Variants in NOL10 observed in about 807,000 individuals in gnomAD.
NOL10 encodes the protein H_NH0074G24.1.
NOL10 carries 58 observed loss-of-function variants against 103.5 expected under a neutral mutation model. The observed-to-expected ratio is 0.56, with a 90% CI of 0.45 to 0.70. The LOEUF is 0.70. NOL10 is among the 30% of genes least tolerant of loss of function. The pLI is 0.00. For synonymous variants in NOL10, 287 were observed against 282.5 expected, an observed-to-expected ratio of 1.02 and a Z score of -0.16; for missense variants, 763 against 807.3, an observed-to-expected ratio of 0.95 and a Z score of 0.67.
chr2:10,613,005 A>G (rs1402055847), intron 13 of NOL10, among the ~76,000 whole-genome samples: 1 of 151,696 alleles, frequency 6.6e-6, no homozygotes, highest in Non-Finnish European at 1.5e-5. Context: ...CCCTGTTAAA[A>G]AAAAAAAAGA....
At chr2:10,606,627 AAT>A (rs1491079780) in intron 14 of NOL10, among the ~76,000 whole-genome samples, 1 of 147,820 alleles carries the variant, frequency 6.8e-6, no homozygotes, top group Non-Finnish European at 1.5e-5. Flanking sequence ...AAAAAAAAAA[AAT>A]ACTATCTGCA....
chr2:10,644,221 A>T (rs1678905214), intron 13 of NOL10, 99 bp downstream of exon 13: 1 of 855,314 alleles, frequency 1.2e-6, no homozygotes, highest in South Asian at 2.0e-5. Flanking sequence ...GCACCCCAGC[A>T]TCGGTGATCG....
At chr2:10,651,616 T>C (rs1056766533) in intron 12 of NOL10, among the ~76,000 whole-genome samples, 29 of 152,112 alleles carry the variant, frequency 1.9e-4, no homozygotes, top group Non-Finnish European at 3.7e-4. Context: ...GCTACCAAAC[T>C]GTACAGCCCA....
At chr2:10,666,892 A>T (rs1680602240) in intron 8 of NOL10, among the ~76,000 whole-genome samples, 1 of 152,210 alleles carries the variant, frequency 6.6e-6, no homozygotes, top group African/African-American at 2.4e-5. Context: ...TGGAAGGTAT[A>T]AAAGGGCACT....
At chr2:10,621,639 A>G (rs1677154927) in intron 13 of NOL10, among the ~76,000 whole-genome samples, 1 of 152,180 alleles carries the variant, frequency 6.6e-6, no homozygotes, top group Non-Finnish European at 1.5e-5. Flanking sequence ...TAGGCAACCA[A>G]GACAAAAGGA....
intron 13 of NOL10, among the ~76,000 whole-genome samples, chr2:10,621,520 G>A (rs1272397110): frequency 6.6e-6 from 1 of 152,114 alleles, no homozygotes; most frequent in Non-Finnish European, 1.5e-5. Context: ...CTTGAACCCC[G>A]GAATTCAAGG....
intron 17 of NOL10, among the ~76,000 whole-genome samples, chr2:10,593,128 AGTT>A (rs1171328435): frequency 1.4e-5 from 2 of 147,326 alleles, no homozygotes; most frequent in East Asian, 4.6e-4. Context: ...GAAACAAATT[AGTT>A]TTTTTTTTTT....
At chr2:10,630,352 C>T (rs931854756) in intron 13 of NOL10, among the ~76,000 whole-genome samples, 3 of 152,170 alleles carry the variant, frequency 2.0e-5, no homozygotes, top group African/African-American at 7.2e-5. Flanking sequence ...GTTATTTCTA[C>T]TATGCAATGT....
intron 13 of NOL10, chr2:10,621,913 A>C (rs897537473): frequency 5.3e-6 from 2 of 376,248 alleles, no homozygotes; most frequent in Non-Finnish European, 1.1e-5. Flanking sequence ...AATAGTTTAG[A>C]GCTATGCTGC....
chr2:10,623,909 G>A (rs573940653), intron 13 of NOL10, among the ~76,000 whole-genome samples: 9 of 152,274 alleles, frequency 5.9e-5, no homozygotes, highest in African/African-American at 1.9e-4. Context: ...ATGCTGACGA[G>A]CATGTGGAGC....
chr2:10,576,896 C>T (rs777842235), intron 20 of NOL10, among the ~76,000 whole-genome samples: 1 of 150,334 alleles, frequency 6.7e-6, no homozygotes, highest in Non-Finnish European at 1.5e-5. Context: ...AGAATAATCT[C>T]CCTACTACTG....
chr2:10,671,414 T>C (rs1394876153), intron 6 of NOL10, 140 bp downstream of exon 6: 89 of 675,874 alleles, frequency 1.3e-4, no homozygotes, highest in Non-Finnish European at 1.5e-4. Flanking sequence ...CTTTTCTTTT[T>C]TTTTTTTTTT....
intron 14 of NOL10, chr2:10,604,910 T>G (rs1342354968): frequency 6.6e-6 from 1 of 152,188 alleles, no homozygotes; most frequent in Admixed American, 6.6e-5. Flanking sequence ...ATGATGGTAT[T>G]AAAGGCTCTA....
intron 13 of NOL10, among the ~76,000 whole-genome samples, chr2:10,614,084 C>G (rs1676712220): frequency 6.6e-6 from 1 of 151,860 alleles, no homozygotes; most frequent in African/African-American, 2.4e-5. Flanking sequence ...CTCAGACTCC[C>G]TAGTAGCTGG....
intron 17 of NOL10, among the ~76,000 whole-genome samples, chr2:10,593,595 T>C (rs1308006820): frequency 6.6e-6 from 1 of 151,776 alleles, no homozygotes; most frequent in Non-Finnish European, 1.5e-5. Flanking sequence ...CATAAACCCT[T>C]AAGAAAAAAA....
At chr2:10,676,249 G>A (rs1285902231) in intron 3 of NOL10, among the ~76,000 whole-genome samples, 1 of 152,132 alleles carries the variant, frequency 6.6e-6, no homozygotes, top group Non-Finnish European at 1.5e-5. Context: ...CTTCTTTGAA[G>A]GACAATCCCT....
intron 19 of NOL10, among the ~76,000 whole-genome samples, chr2:10,585,744 C>T (rs1423475238): frequency 6.6e-6 from 1 of 152,132 alleles, no homozygotes; most frequent in Admixed American, 6.5e-5. Flanking sequence ...ACACCCTCTC[C>T]TATATGTTAA....
intron 12 of NOL10, among the ~76,000 whole-genome samples, chr2:10,649,167 G>C (rs1572373033): frequency 6.6e-6 from 1 of 151,860 alleles, no homozygotes; most frequent in South Asian, 2.1e-4. Context: ...GCTGGCTTTC[G>C]AGTGATTCCA....
At chr2:10,656,543 AAGT>A (rs1391198042) in intron 11 of NOL10, among the ~76,000 whole-genome samples, 1 of 152,236 alleles carries the variant, frequency 6.6e-6, no homozygotes, top group Admixed American at 6.5e-5. Context: ...AAAAGAAGCC[AAGT>A]AAGACCCATA....
Sources: gnomAD v4.1 joint callset for allele counts (sites outside exome capture counted in the v4.1 genomes callset) on GRCh38, gnomAD v4.1.1 for gene constraint, MANE v1.5 for transcripts, NCBI Gene and HGNC (gene_info 2026-07-23, HGNC 2026-07-21) for gene names.